The following LRMDA variants were observed in gnomAD, a reference collection of about 807,000 sequenced individuals.
LRMDA encodes leucine rich melanocyte differentiation associated.
A neutral mutation model predicts 29.8 loss-of-function variants in LRMDA; 18 were observed. The observed-to-expected ratio is 0.60, with a 90% confidence interval of 0.42 to 0.90. The LOEUF is 0.90. Among genes scored for constraint, LRMDA ranks in the 40% least tolerant of loss-of-function variants. LRMDA has a pLI of 0.00. For synonymous variants in LRMDA, 125 were observed against 109.4 expected, an observed-to-expected ratio of 1.14 and a Z score of -0.89; for missense variants, 273 against 273.9, an observed-to-expected ratio of 1.00 and a Z score of 0.02.
intron 2 of LRMDA, among the ~76,000 whole-genome samples, chr10:75,933,013 C>G (rs1300682389): frequency 6.6e-6 from 1 of 152,130 alleles, no homozygotes; most frequent in Admixed American, 6.6e-5. Context: ...GCGTAGATTC[C>G]TTTTGAAAGT....
chr10:75,640,769 A>G (rs1447571156), intron 2 of LRMDA, among the ~76,000 whole-genome samples: 2 of 152,154 alleles, frequency 1.3e-5, no homozygotes, highest in Admixed American at 1.3e-4. Context: ...GTTCAAAGGG[A>G]AGCTTTTTTT....
intron 2 of LRMDA, among the ~76,000 whole-genome samples, chr10:75,925,386 TG>T (rs1311644039): frequency 6.6e-6 from 1 of 152,156 alleles, no homozygotes; most frequent in African/African-American, 2.4e-5. Context: ...ACCACTTAAT[TG>T]CCCAAGTTGC....
At chr10:76,112,364 G>A (rs1849594097) in intron 5 of LRMDA, among the ~76,000 whole-genome samples, 1 of 152,236 alleles carries the variant, frequency 6.6e-6, no homozygotes, top group African/African-American at 2.4e-5. Context: ...AGTGAGATCT[G>A]TGGCCAGGAC....
intron 2 of LRMDA, among the ~76,000 whole-genome samples, chr10:75,608,064 C>T (rs2132096404): frequency 7.1e-6 from 1 of 141,370 alleles, no homozygotes; most frequent in South Asian, 2.3e-4. Flanking sequence ...AGGGAAACAA[C>T]CTAAGTGTCC....
chr10:75,895,464 G>A (rs1845565648), intron 2 of LRMDA, among the ~76,000 whole-genome samples: 1 of 152,194 alleles, frequency 6.6e-6, no homozygotes. Context: ...GTACAGAGAA[G>A]TAACTTGCTG....
intron 2 of LRMDA, among the ~76,000 whole-genome samples, chr10:76,012,124 G>A (rs533128110): frequency 1.4e-4 from 22 of 152,174 alleles, no homozygotes; most frequent in Non-Finnish European, 3.2e-4. Context: ...CCCAAAGCTG[G>A]TTCCTGGAGC....
At chr10:76,479,953 C>T (rs1218737052) in intron 6 of LRMDA, among the ~76,000 whole-genome samples, 1 of 151,866 alleles carries the variant, frequency 6.6e-6, no homozygotes, top group Non-Finnish European at 1.5e-5. Context: ...GGCTCTGTGG[C>T]AAAAACAATT....
At chr10:75,911,843 G>T (rs945704942) in intron 2 of LRMDA, among the ~76,000 whole-genome samples, 2 of 152,132 alleles carry the variant, frequency 1.3e-5, no homozygotes, top group Non-Finnish European at 2.9e-5. Flanking sequence ...GGGTGCTTGA[G>T]GCTGAATAAG....
chr10:76,114,494 A>G (rs1849633044), intron 5 of LRMDA, among the ~76,000 whole-genome samples: 1 of 152,116 alleles, frequency 6.6e-6, no homozygotes, highest in Admixed American at 6.5e-5. Flanking sequence ...AACTCTGGCA[A>G]TCATTCTGGG....
chr10:76,382,176 C>T (rs772147736), intron 6 of LRMDA, among the ~76,000 whole-genome samples: 1 of 152,184 alleles, frequency 6.6e-6, no homozygotes, highest in Non-Finnish European at 1.5e-5. Context: ...CACATAGACA[C>T]ACTCACATGC....
chr10:75,988,072 T>C (rs895401569), intron 2 of LRMDA, among the ~76,000 whole-genome samples: 1 of 152,348 alleles, frequency 6.6e-6, no homozygotes, highest in Admixed American at 6.5e-5. Context: ...TGTGTCACTT[T>C]CCATTCTGAA....
chr10:76,151,697 A>G (rs1232815583), intron 5 of LRMDA, among the ~76,000 whole-genome samples: 1 of 152,186 alleles, frequency 6.6e-6, no homozygotes, highest in Non-Finnish European at 1.5e-5. Flanking sequence ...TTTATTTTTG[A>G]ATTGCATTTT....
chr10:76,383,487 G>A (rs1330543615), intron 6 of LRMDA, among the ~76,000 whole-genome samples: 1 of 141,532 alleles, frequency 7.1e-6, no homozygotes, highest in Non-Finnish European at 1.5e-5. Context: ...GCGGACTGCA[G>A]TGGCGCAATC....
At chr10:75,476,740 G>C (rs1298839563) in intron 2 of LRMDA, among the ~76,000 whole-genome samples, 2 of 152,122 alleles carry the variant, frequency 1.3e-5, no homozygotes, top group Non-Finnish European at 2.9e-5. Context: ...GTTTATGCTG[G>C]ACCCCTTGTA....
chr10:76,520,123 T>A (rs1843103634), intron 6 of LRMDA, among the ~76,000 whole-genome samples: 1 of 152,172 alleles, frequency 6.6e-6, no homozygotes, highest in Non-Finnish European at 1.5e-5. Context: ...TGGTTAGGAT[T>A]GCAAATTCAT....
intron 5 of LRMDA, among the ~76,000 whole-genome samples, chr10:76,073,689 A>G (rs1848911339): frequency 6.6e-6 from 1 of 152,116 alleles, no homozygotes; most frequent in South Asian, 2.1e-4. Context: ...CCAGGGTGCC[A>G]TTTTTCAAGT....
At chr10:75,762,830 C>T (rs1256221381) in intron 2 of LRMDA, among the ~76,000 whole-genome samples, 1 of 152,038 alleles carries the variant, frequency 6.6e-6, no homozygotes, top group Non-Finnish European at 1.5e-5. Flanking sequence ...ATATATGAGA[C>T]CTCTCATAAT....
At position 76,478,654 on chromosome 10, in the gene LRMDA, C is replaced by G. The variant is rs2132324251; in HGVS notation, c.602-78555C>G. ...AAAGACTTGGAAGCAACCCAAATGT[C>G]CAACAATGATAGACTGGATTAAGAA... On this transcript the variant is annotated intron_variant, in intron 6 of 6. Transcript: ENST00000611255. Among the ~76,000 whole-genome samples, 3 of 152,160 alleles carry G rather than the reference C, an allele frequency of 2.0e-5. No homozygotes were observed. The South Asian group carries it at 6.2e-4, about 32-fold the overall frequency.
intron 2 of LRMDA, among the ~76,000 whole-genome samples, chr10:75,601,004 A>G (rs1449054063): frequency 6.6e-6 from 1 of 152,232 alleles, no homozygotes; most frequent in African/African-American, 2.4e-5. Context: ...GTTTACCTTG[A>G]AAACGCACTT....
Sources: allele counts gnomAD v4.1 joint callset (sites outside exome capture counted in the v4.1 genomes callset), GRCh38; gene constraint gnomAD v4.1.1; transcripts MANE v1.5; gene names NCBI Gene and HGNC (gene_info 2026-07-23, HGNC 2026-07-21).